Variants in TNNT3 observed in about 807,000 individuals in gnomAD.
TNNT3 encodes the protein troponin T, fast skeletal muscle.
A neutral mutation model predicts 54.2 loss-of-function variants in TNNT3; 36 were observed. The ratio of observed to expected loss-of-function variants is 0.66; its 90% CI spans 0.51 to 0.88. TNNT3 has a LOEUF of 0.88. Ranked by LOEUF, TNNT3 falls within the 40% of genes least tolerant of loss-of-function variation. The pLI, the probability that TNNT3 is intolerant of heterozygous loss-of-function variation, is 0.00. For synonymous variants in TNNT3, 120 were observed against 109.7 expected, an observed-to-expected ratio of 1.09 and a Z score of -0.59; for missense variants, 291 against 331.6, an observed-to-expected ratio of 0.88 and a Z score of 0.95.
intron 14 of TNNT3, chr11:1,936,203 G>C (rs1165201567): frequency 6.2e-7 from 1 of 1,613,808 alleles, no homozygotes; most frequent in Non-Finnish European, 8.5e-7. Flanking sequence ...TAACCATCTT[G>C]GTCTTTCTAG....
chr11:1,933,059 A>G (rs984037704), intron 9 of TNNT3, among the ~76,000 whole-genome samples: 1 of 145,684 alleles, frequency 6.9e-6, no homozygotes, highest in Middle Eastern at 4.3e-3. Flanking sequence ...TCATCTACTC[A>G]TCCATCCATC....
chr11:1,926,313 C>G (rs553514565), intron 5 of TNNT3, among the ~76,000 whole-genome samples: 1 of 152,200 alleles, frequency 6.6e-6, no homozygotes, highest in Non-Finnish European at 1.5e-5. Context: ...GGTGGCCGCG[C>G]CTGGGCTAAC....
intron 14 of TNNT3, chr11:1,936,168 T>C: frequency 6.2e-7 from 1 of 1,612,260 alleles, no homozygotes; most frequent in Non-Finnish European, 8.5e-7. Context: ...CGGGCCTCGA[T>C]GCCCCAGCCG....
chr11:1,930,266 C>G (rs1358897302), intron 8 of TNNT3, among the ~76,000 whole-genome samples: 1 of 152,080 alleles, frequency 6.6e-6, no homozygotes, highest in Non-Finnish European at 1.5e-5. Flanking sequence ...CGCAACACCC[C>G]ACGGCCTTCG....
At position 1,935,600 on chromosome 11, in the gene TNNT3, C is replaced by G. The variant is rs113423210; in HGVS notation, c.681+681C>G. ...GGGTGGAAGCCAAGCTGCTTCCCACCCTCCCAAACACCCGTTTGGGCTCCA... is the reference window on the plus strand; with the variant it reads ...GGGTGGAAGCCAAGCTGCTTCCCACGCTCCCAAACACCCGTTTGGGCTCCA... On this transcript the variant is annotated intron_variant, in intron 14 of 15. Coordinates refer to ENST00000278317, the MANE Select transcript of TNNT3 (RefSeq NM_006757.4). The G allele has an allele frequency of 8.2e-3, 1,336 of 162,412 alleles. 17 individuals are homozygous for G. Among genetic ancestry groups the G allele is most frequent in the African/African-American group, 0.03 (1,254 of 41,732 alleles). The allele number at this position is 162,412 out of a possible 1,614,324, so 10.1% of individuals were successfully genotyped here. A position where few individuals can be genotyped will look rare whatever the true frequency, so the allele number is the denominator to read the frequency against.
intron 13 of TNNT3, 74 bp downstream of exon 13, chr11:1,934,729 GC>G: frequency 6.3e-7 from 1 of 1,598,190 alleles, no homozygotes; most frequent in Non-Finnish European, 8.6e-7. Flanking sequence ...TCCTCAGGCT[GC>G]CAAGGACCGT....
At position 1,922,460 on chromosome 11, in the gene TNNT3, C is replaced by A. The variant is rs552374489; in HGVS notation, c.-18-397C>A. Among the ~76,000 whole-genome samples the A allele has an allele frequency of 1.2e-3, 184 of 152,286 alleles. No homozygotes were observed. The South Asian group carries it at 0.012, about 10-fold the overall frequency. On this transcript the variant is annotated intron_variant, in intron 1 of 15. Coordinates refer to ENST00000278317, the MANE Select transcript of TNNT3 (RefSeq NM_006757.4). ...ACAGGTTTCAGCTCCATCAGCGGGA[C>A]CTTTCCAGTGTCTAGAGCGGGCTGG... is the stretch of plus-strand genomic sequence containing the variant.
chr11:1,924,993 C>A, intron 4 of TNNT3, 106 bp from the exon 5 acceptor site: 2 of 1,346,572 alleles, frequency 1.5e-6, no homozygotes, highest in Non-Finnish European at 2.1e-6. Flanking sequence ...TTCTCCCGGC[C>A]AGCCGGCCTC....
intron 15 of TNNT3, among the ~76,000 whole-genome samples, chr11:1,937,978 C>T (rs986815007): frequency 3.9e-4 from 60 of 152,312 alleles, no homozygotes; most frequent in South Asian, 8.3e-4. Flanking sequence ...GTCCTCCACC[C>T]GCCTTCACCC....
rs585088 is a variant in TNNT3, at chr11:1,935,135, G to A, written c.681+216G>A. 503,001 of 637,710 alleles carry A rather than the reference G, an allele frequency of 0.79. 198,993 individuals are homozygous for A. The highest frequency in any genetic ancestry group is 0.85 in the East Asian group (30,631 of 35,982). 39.5% of individuals were successfully genotyped at this position (637,710 alleles called of 1,614,324 possible). On this transcript the variant is annotated intron_variant, in intron 14 of 15. Coordinates refer to ENST00000278317, the MANE Select transcript of TNNT3 (RefSeq NM_006757.4). ...CCGTCCTCCTGGCTGGCCATGCAGCGCCCTGAGCGATGAACCTGGCCCCTT... is the reference window on the plus strand; with the variant it reads ...CCGTCCTCCTGGCTGGCCATGCAGCACCCTGAGCGATGAACCTGGCCCCTT...
At chr11:1,932,299 C>T (rs1378064009) in intron 8 of TNNT3, among the ~76,000 whole-genome samples, 170 bp from the exon 9 acceptor site, 4 of 152,228 alleles carry the variant, frequency 2.6e-5, no homozygotes, top group African/African-American at 9.6e-5. Context: ...GGGCTACAAA[C>T]CTCATAAGAA....
rs1161353535 is a variant in TNNT3 at position 1,934,556 on chromosome 11, A to G, written c.491A>G (p.Lys164Arg). The G allele has an allele frequency of 1.2e-6, 2 of 1,609,586 alleles. No homozygotes were observed. The highest frequency in any genetic ancestry group is 2.2e-5 in the South Asian group (2 of 90,672). Residue 164 changes from lysine to arginine, a missense_variant, in exon 13 of 16, where the codon AAG becomes AGG. Physicochemically the swap from Lys to Arg is conservative, Grantham distance 26. Transcript: ENST00000278317. ...GCCTGTCCGCTGCAGGCTGACCAGA[A>G]GAGAGGCAAGAAGCAGACAGCCCGG... Reference protein sequence around the residue: ...YSSYLAKADQKRGKKQTAREM... With the variant: ...YSSYLAKADQRRGKKQTAREM...
At chr11:1,927,238 G>A (rs757331999) in intron 6 of TNNT3, among the ~76,000 whole-genome samples, 1 of 152,208 alleles carries the variant, frequency 6.6e-6, no homozygotes, top group Non-Finnish European at 1.5e-5. Context: ...AACAGCCAGG[G>A]GCCATGCGTG....
Position 1,932,490 on chromosome 11 carries a change from A to G in TNNT3, c.147A>G (p.Pro49=), listed in dbSNP as rs1589973263. 6.2e-7 allele frequency: 1 copy of G among 1,613,910 alleles called. No homozygotes were observed. The highest frequency in any genetic ancestry group is 1.1e-5 in the South Asian group (1 of 91,078). ...PRPKLTAPKI[P]EGEKVDFDDI... The stretch of plus-strand genomic sequence containing the variant: ...TCAGACTCACTGCTCCTAAGATCCC[A>G]GAAGGGGAGAAAGTGGACTTCGATG... The change falls in exon 9 of 16, where the codon CCA becomes CCG. Residue 49 remains proline (P), a synonymous_variant. Coordinates refer to ENST00000278317, the MANE Select transcript of TNNT3 (RefSeq NM_006757.4).
chr11:1,937,364 G>A (rs977309771), intron 15 of TNNT3, among the ~76,000 whole-genome samples: 2 of 152,124 alleles, frequency 1.3e-5, no homozygotes, highest in African/African-American at 4.8e-5. Context: ...TGGGCCCCAG[G>A]GTATCCCGCC....
intron 14 of TNNT3, 88 bp from the exon 15 acceptor site, chr11:1,936,875 C>T: frequency 1.4e-6 from 2 of 1,413,456 alleles, no homozygotes; most frequent in South Asian, 1.2e-5. Context: ...CGCAGCCCAG[C>T]CCACCCTGCG....
At position 1,936,964 on chromosome 11, in the gene TNNT3, T is replaced by C; in HGVS notation, c.683T>C (p.Ile228Thr). The C allele has an allele frequency of 6.2e-7, 1 of 1,606,180 alleles. No individual in the cohort carries two copies. The highest frequency in any genetic ancestry group is 8.5e-7 in the Non-Finnish European group (1 of 1,177,684). Reference protein sequence around the residue: ...GEKLKRQKYDITTLRSRIDQA... With the variant: ...GEKLKRQKYDTTTLRSRIDQA... ...GTGAGTCACTCATGTTGTTCACAGATCACCACGCTCAGGAGCCGCATTGAC... is the reference window on the plus strand; with the variant it reads ...GTGAGTCACTCATGTTGTTCACAGACCACCACGCTCAGGAGCCGCATTGAC... Residue 228 changes from isoleucine (I) to threonine (T), a missense_variant and splice_region_variant, in exon 15 of 16, where the codon ATC (isoleucine) becomes ACC (threonine). Ile to Thr is a moderately conservative substitution (Grantham distance 89, BLOSUM62 -1). Transcript: ENST00000278317.
chr11:1,934,259 G>A lies in TNNT3; in HGVS notation c.367-73G>A, dbSNP rs557509015. 5.0e-6 allele frequency: 7 copies of A among 1,394,988 alleles called. No individual in the cohort carries two copies. The Middle Eastern group carries it at 5.4e-4, about 107-fold the overall frequency. 86.4% of individuals were successfully genotyped at this position (1,394,988 alleles called of 1,614,324 possible). A position where few individuals can be genotyped will look rare whatever the true frequency, so the allele number is the denominator to read the frequency against. ...TCCAGACAGCTCTAAGCCCAGGGTG[G>A]GTCCCTAAAGCCTGCCCAGAAAGCA... On this transcript the variant is annotated intron_variant, in intron 11 of 15. Transcript: ENST00000278317.
intron 6 of TNNT3, among the ~76,000 whole-genome samples, chr11:1,928,337 A>G (rs1852221614): frequency 6.6e-6 from 1 of 152,038 alleles, no homozygotes; most frequent in Non-Finnish European, 1.5e-5. Flanking sequence ...AGCAGAGTGT[A>G]TCCTAAAGGA....
Sources: allele counts gnomAD v4.1 joint callset (sites outside exome capture counted in the v4.1 genomes callset), GRCh38; gene constraint gnomAD v4.1.1; transcripts MANE v1.5; gene names NCBI Gene and HGNC (gene_info 2026-07-23, HGNC 2026-07-21).